Variants in EPYC observed in about 807,000 individuals in gnomAD.
The protein encoded by EPYC is epiphycan, also known as dermatan sulfate proteoglycan 3.
A neutral mutation model predicts 30.1 loss-of-function variants in EPYC; 28 were observed. The observed-to-expected ratio is 0.93, with a 90% CI of 0.69 to 1.28. The LOEUF (loss-of-function observed/expected upper bound fraction) is 1.28. EPYC is among the 50% of genes most tolerant of loss of function. The pLI is 0.00. For missense variants in EPYC, 382 were observed against 383.5 expected (o/e 1.00, Z 0.03); for synonymous variants, 144 against 141.4 (o/e 1.02, Z -0.13).
At chr12:90,990,486 A>G (rs188711581) in intron 2 of EPYC, among the ~76,000 whole-genome samples, 3 of 152,272 alleles carry the variant, frequency 2.0e-5, no homozygotes, top group Admixed American at 2.0e-4. Context: ...GTCCAGTATC[A>G]CTGGCAAATT....
At chr12:90,993,265 C>T (rs552205549) in intron 2 of EPYC, among the ~76,000 whole-genome samples, 25 of 152,146 alleles carry the variant, frequency 1.6e-4, no homozygotes, top group South Asian at 1.0e-3. Flanking sequence ...AGACTTTGTC[C>T]GAGGCTTGTG....
At chr12:90,987,895 T>G (rs559940704) in intron 2 of EPYC, among the ~76,000 whole-genome samples, 1 of 152,268 alleles carries the variant, frequency 6.6e-6, no homozygotes, top group South Asian at 2.1e-4. Flanking sequence ...CTTTTCTTTC[T>G]CTATAGCCTC....
At chr12:90,984,949 G>A (rs921549044) in intron 2 of EPYC, among the ~76,000 whole-genome samples, 1 of 152,154 alleles carries the variant, frequency 6.6e-6, no homozygotes, top group African/African-American at 2.4e-5. Context: ...ATCCTGATAG[G>A]TATATAGATG....
At chr12:90,992,488 T>C (rs944249632) in intron 2 of EPYC, among the ~76,000 whole-genome samples, 5 of 152,108 alleles carry the variant, frequency 3.3e-5, no homozygotes, top group African/African-American at 1.2e-4. Context: ...TGGCTGAAAA[T>C]ACATGCTCAC....
At chr12:90,974,267 G>C (rs1427422130) in intron 3 of EPYC, among the ~76,000 whole-genome samples, 1 of 12,502 alleles carries the variant, frequency 8.0e-5, no homozygotes, top group African/African-American at 1.0e-4. Flanking sequence ...TGAGATGTCA[G>C]GTAAGTTAAG....
intron 2 of EPYC, among the ~76,000 whole-genome samples, chr12:90,978,780 AATGACTT>A (rs1422793761): frequency 2.6e-5 from 4 of 152,246 alleles, no homozygotes; most frequent in Non-Finnish European, 4.4e-5. Context: ...GTTCCTTACC[AATGACTT>A]ATACTGTCTC....
chr12:90,967,731 G>T (rs182682547), intron 6 of EPYC, among the ~76,000 whole-genome samples: 65 of 152,276 alleles, frequency 4.3e-4, no homozygotes, highest in African/African-American at 1.5e-3. Flanking sequence ...CCAGCACTTT[G>T]GGAGGCCAAT....
Position 91,002,403 on chromosome 12 carries a change from CAACTTT to C in EPYC, c.157_162del (p.Lys53_Val54del), listed in dbSNP as rs761374295. On this transcript the variant is annotated inframe_deletion, in exon 2 of 7. Transcript: ENST00000261172. ...TCAAGAGTAGGAGGATCGATTACCT[CAACTTT>C]ATCAACAGGTATGTTTTCATAGTTG... 1.9e-6 allele frequency: 3 copies of C among 1,610,748 alleles called. No individual in the cohort carries two copies. In the South Asian group the frequency reaches 3.3e-5, roughly 18 times the overall value.
At chr12:90,991,889 T>G (rs1332133787) in intron 2 of EPYC, among the ~76,000 whole-genome samples, 1 of 152,152 alleles carries the variant, frequency 6.6e-6, no homozygotes, top group Admixed American at 6.6e-5. Flanking sequence ...AAACACTAAT[T>G]AAGTCTGGAA....
At chr12:90,988,192 C>G (rs976496613) in intron 2 of EPYC, among the ~76,000 whole-genome samples, 1 of 152,048 alleles carries the variant, frequency 6.6e-6, no homozygotes, top group Non-Finnish European at 1.5e-5. Context: ...GTCCCCTTGC[C>G]AAGCAATTGA....
intron 2 of EPYC, among the ~76,000 whole-genome samples, chr12:90,986,166 G>T (rs1446431556): frequency 1.3e-5 from 2 of 151,928 alleles, no homozygotes; most frequent in African/African-American, 4.8e-5. Context: ...CTTGAGGAAG[G>T]AATCAACCCT....
At position 90,972,983 on chromosome 12, in the gene EPYC, A is replaced by G. The variant is rs1323835249; in HGVS notation, c.341-3T>C. The G allele has an allele frequency of 2.6e-6, 4 of 1,565,802 alleles. No individual in the cohort carries two copies. Among genetic ancestry groups the G allele is most frequent in the Admixed American group, 1.8e-5 (1 of 54,368 alleles). On this transcript the variant is annotated splice_region_variant and splice_polypyrimidine_tract_variant and intron_variant, in intron 3 of 6. Coordinates refer to ENST00000261172, the MANE Select transcript of EPYC (RefSeq NM_004950.5). Reference sequence around the variant, plus strand: ...ACACAAAAGACAGGTTGGAAAGTCTAAAAGATAAAGGAAAATAAAATTAAA... The same window carrying G: ...ACACAAAAGACAGGTTGGAAAGTCTGAAAGATAAAGGAAAATAAAATTAAA...
intron 6 of EPYC, among the ~76,000 whole-genome samples, chr12:90,966,625 T>C (rs1201360285): frequency 2.6e-5 from 4 of 152,084 alleles, no homozygotes; most frequent in Admixed American, 2.0e-4. Context: ...CGAGTACTGT[T>C]ATTGGGTAAT....
chr12:90,985,124 C>T (rs1430966287), intron 2 of EPYC, among the ~76,000 whole-genome samples: 1 of 152,042 alleles, frequency 6.6e-6, no homozygotes, highest in Non-Finnish European at 1.5e-5. Context: ...CAAGCTGTCC[C>T]CAGTATGGAT....
At position 90,973,198 on chromosome 12, in the gene EPYC, T is replaced by G. The variant is rs1462691065; in HGVS notation, c.341-218A>C. 3.9e-5 allele frequency among the ~76,000 whole-genome samples: 3 copies of G among 77,890 alleles called. No homozygotes were observed. The Admixed American group carries it at 4.9e-4, about 13-fold the overall frequency. 51.1% of individuals were successfully genotyped at this position (77,890 alleles called of 152,430 possible). A position where few individuals can be genotyped will look rare whatever the true frequency, so the allele number is the denominator to read the frequency against. ...TCAATGTAACATTTTAAAAATAATTTAAAATTAGTACTTTTCTATTAGAAA... is the reference window on the plus strand; with the variant it reads ...TCAATGTAACATTTTAAAAATAATTGAAAATTAGTACTTTTCTATTAGAAA... On this transcript the variant is annotated intron_variant, in intron 3 of 6. Coordinates refer to ENST00000261172, the MANE Select transcript of EPYC (RefSeq NM_004950.5).
At chr12:90,968,156 TAA>T (rs1876947632) in intron 6 of EPYC, among the ~76,000 whole-genome samples, 1 of 152,170 alleles carries the variant, frequency 6.6e-6, no homozygotes, top group Admixed American at 6.6e-5. Context: ...CTTATCATTA[TAA>T]AGTGTCAATG....
Position 90,963,994 on chromosome 12 carries a change from A to G in EPYC, c.*162T>C, listed in dbSNP as rs956689063. On this transcript the variant is annotated 3_prime_UTR_variant, in exon 7 of 7. Coordinates refer to ENST00000261172, the MANE Select transcript of EPYC (RefSeq NM_004950.5). Reference sequence around the variant, plus strand: ...TTCCTAACTCATCTGGTGTTTTCTTAAATTACTACATTTTCATTATAACAT... The same window carrying G: ...TTCCTAACTCATCTGGTGTTTTCTTGAATTACTACATTTTCATTATAACAT... 3 of 507,640 alleles carry G rather than the reference A, an allele frequency of 5.9e-6. No individual in the cohort carries two copies. Among genetic ancestry groups the G allele is most frequent in the Non-Finnish European group, 9.8e-6 (3 of 306,754 alleles). The allele number at this position is 507,640 out of a possible 1,614,324, so 31.4% of individuals were successfully genotyped here.
At chr12:90,993,837 A>G (rs984922740) in intron 2 of EPYC, among the ~76,000 whole-genome samples, 1 of 152,116 alleles carries the variant, frequency 6.6e-6, no homozygotes, top group Non-Finnish European at 1.5e-5. Context: ...ATATTATAGC[A>G]TTTATTCATG....
intron 6 of EPYC, among the ~76,000 whole-genome samples, chr12:90,969,020 G>A (rs1040258891): frequency 6.6e-6 from 1 of 150,788 alleles, no homozygotes; most frequent in African/African-American, 2.4e-5. Flanking sequence ...TATATATAGT[G>A]TGTGTATATA....
Sources: gnomAD v4.1 joint callset for allele counts (sites outside exome capture counted in the v4.1 genomes callset) on GRCh38, gnomAD v4.1.1 for gene constraint, MANE v1.5 for transcripts, NCBI Gene and HGNC (gene_info 2026-07-23, HGNC 2026-07-21) for gene names.